Variants in PRPSAP1 observed in about 807,000 individuals in gnomAD.
PRPSAP1 encodes the protein phosphoribosyl pyrophosphate synthase-associated protein 1.
PRPSAP1 carries 31 observed loss-of-function variants against 39.4 expected under a neutral mutation model. That is an observed-to-expected ratio of 0.79 (90% CI 0.59 to 1.06). PRPSAP1 has a LOEUF of 1.06. Ranked by LOEUF, PRPSAP1 falls within the 50% of genes least tolerant of loss-of-function variation. The probability of loss-of-function intolerance (pLI) is 0.00; values close to 1 mark genes in which losing one functional copy is unlikely to be tolerated. For synonymous variants in PRPSAP1, 212 were observed against 192.6 expected (o/e 1.10, Z -0.83); for missense variants, 430 against 511.6 (o/e 0.84, Z 1.54).
rs1463790940 is a variant in PRPSAP1 at position 76,320,256 on chromosome 17, GAAAGAAAGAAAAGAAAGAAAGAAAGA to G, written c.782-6391_782-6366del. Among the ~76,000 whole-genome samples the G allele has an allele frequency of 1.8e-4, 9 of 48,804 alleles. 2 individuals are homozygous for G. Among genetic ancestry groups the G allele is most frequent in the African/African-American group, 7.1e-4 (8 of 11,220 alleles). The allele number at this position is 48,804 out of a possible 152,430, so 32.0% of individuals were successfully genotyped here. A position where few individuals can be genotyped will look rare whatever the true frequency, so the allele number is the denominator to read the frequency against. On this transcript the variant is annotated intron_variant, in intron 7 of 9. Transcript: ENST00000446526. ...GTGCACTCCAGCCTGGGTGAGACAA[GAAAGAAAGAAAAGAAAGAAAGAAAGA>G]AAAGAAAGAAAGAAAGAAAAGAAAG...
chr17:76,343,440 T>A (rs904828731), intron 3 of PRPSAP1, among the ~76,000 whole-genome samples: 9 of 152,200 alleles, frequency 5.9e-5, no homozygotes, highest in African/African-American at 2.2e-4. Flanking sequence ...CCAGGAGCAG[T>A]TTATGCACCA....
intron 3 of PRPSAP1, among the ~76,000 whole-genome samples, chr17:76,334,121 T>C (rs887086360): frequency 1.3e-5 from 2 of 152,174 alleles, no homozygotes; most frequent in African/African-American, 4.8e-5. Context: ...TATTCACTTC[T>C]CACATTAGCT....
intron 3 of PRPSAP1, among the ~76,000 whole-genome samples, chr17:76,340,677 G>A (rs544326715): frequency 1.3e-5 from 2 of 152,166 alleles, no homozygotes; most frequent in South Asian, 4.1e-4. Context: ...GATCACTTGA[G>A]GTTGGGAGTT....
At chr17:76,342,645 G>C (rs1001268437) in intron 3 of PRPSAP1, among the ~76,000 whole-genome samples, 6 of 151,560 alleles carry the variant, frequency 4.0e-5, no homozygotes, top group Non-Finnish European at 2.9e-5. Flanking sequence ...TTGAGTTCAG[G>C]AGCTTAAGGC....
intron 8 of PRPSAP1, chr17:76,313,228 C>T: frequency 2.1e-6 from 1 of 479,434 alleles, no homozygotes. Context: ...CGGGCGCAGT[C>T]AAGCACCTGT....
At chr17:76,322,707 T>C (rs1045667669) in intron 7 of PRPSAP1, among the ~76,000 whole-genome samples, 2 of 151,958 alleles carry the variant, frequency 1.3e-5, no homozygotes, top group Non-Finnish European at 2.9e-5. Context: ...GCTGGGTGCT[T>C]GGGCACAGTG....
At chr17:76,353,508 G>A in intron 1 of PRPSAP1, 26 bp downstream of exon 1, 2 of 1,476,762 alleles carry the variant, frequency 1.4e-6, no homozygotes, top group Non-Finnish European at 1.8e-6. Context: ...GCCGCCCCCG[G>A]CCCGGCCCTC....
intron 3 of PRPSAP1, among the ~76,000 whole-genome samples, chr17:76,338,579 T>C (rs1054234783): frequency 6.6e-6 from 1 of 151,890 alleles, no homozygotes; most frequent in African/African-American, 2.4e-5. Context: ...GGTGTGCACC[T>C]GTAATCCCAG....
At chr17:76,337,542 T>A (rs1245266980) in intron 3 of PRPSAP1, 1 of 152,194 alleles carries the variant, frequency 6.6e-6, no homozygotes, top group Non-Finnish European at 1.5e-5. Context: ...CTGGAAGTAA[T>A]GGGGGAGAAT....
chr17:76,339,520 C>A (rs779169237), intron 3 of PRPSAP1, among the ~76,000 whole-genome samples: 2 of 151,854 alleles, frequency 1.3e-5, no homozygotes, highest in African/African-American at 2.4e-5. Context: ...TTTTTCCTTT[C>A]TTCTTCCATC....
chr17:76,336,732 C>CAAA (rs57399038), intron 3 of PRPSAP1, among the ~76,000 whole-genome samples: 44 of 63,312 alleles, frequency 6.9e-4, no homozygotes, highest in African/African-American at 2.3e-3. Context: ...AACTCCATCT[C>CAAA]AAAAAAAAAA....
rs2071046879 is a variant in PRPSAP1, at chr17:76,309,570, C to A, written c.*1972G>T. The stretch of plus-strand genomic sequence containing the variant: ...CTTAAAGAGAACCTATGAATGTGTG[C>A]CATGCATGGCCAGCCTCCTCCGTGA... On this transcript the variant is annotated 3_prime_UTR_variant, in exon 10 of 10. Coordinates refer to ENST00000446526, the MANE Select transcript of PRPSAP1 (RefSeq NM_002766.3). 6.6e-6 allele frequency: 1 copy of A among 152,170 alleles called. No individual in the cohort carries two copies. The highest frequency in any genetic ancestry group is 1.5e-5 in the Non-Finnish European group (1 of 68,034). The allele number at this position is 152,170 out of a possible 1,614,324, so 9.4% of individuals were successfully genotyped here. A position where few individuals can be genotyped will look rare whatever the true frequency, so the allele number is the denominator to read the frequency against.
At chr17:76,341,340 C>G (rs2071436564) in intron 3 of PRPSAP1, among the ~76,000 whole-genome samples, 2 of 150,036 alleles carry the variant, frequency 1.3e-5, no homozygotes, top group South Asian at 4.2e-4. Context: ...CAGGCTCAAG[C>G]AATCCTCCCA....
chr17:76,332,694 G>C (rs2071335812), intron 3 of PRPSAP1, among the ~76,000 whole-genome samples: 1 of 152,260 alleles, frequency 6.6e-6, no homozygotes, highest in East Asian at 1.9e-4. Context: ...GGTCTCCTGT[G>C]TCATACCCCG....
chr17:76,315,866 C>T (rs1040112492), intron 7 of PRPSAP1, among the ~76,000 whole-genome samples: 2 of 151,540 alleles, frequency 1.3e-5, no homozygotes, highest in Admixed American at 6.6e-5. Context: ...AGGCACGTGC[C>T]ACCACATCTG....
chr17:76,348,445 C>T, intron 2 of PRPSAP1, 84 bp downstream of exon 2: 6 of 867,278 alleles, frequency 6.9e-6, no homozygotes, highest in Non-Finnish European at 7.8e-6. Context: ...TGCACTCCAG[C>T]CTGGGCGACA....
intron 3 of PRPSAP1, among the ~76,000 whole-genome samples, chr17:76,340,070 TGGG>T (rs1245794943): frequency 7.0e-6 from 1 of 143,724 alleles, no homozygotes; most frequent in East Asian, 2.0e-4. Context: ...CACTTGAGCC[TGGG>T]AGGTGGAGGC....
rs932239109 is a variant in PRPSAP1 at position 76,309,744 on chromosome 17, A to C, written c.*1798T>G. ...CAGGATGTGCATAGCTTATATGCAG[A>C]TACTACACCATTTTCTATCAGGGAC... On this transcript the variant is annotated 3_prime_UTR_variant, in exon 10 of 10. Transcript: ENST00000446526. 2 of 152,226 alleles carry C rather than the reference A, an allele frequency of 1.3e-5. No homozygotes were observed. The highest frequency in any genetic ancestry group is 2.4e-5 in the African/African-American group (1 of 41,456). The allele number at this position is 152,226 out of a possible 1,614,324, so 9.4% of individuals were successfully genotyped here. A position where few individuals can be genotyped will look rare whatever the true frequency, so the allele number is the denominator to read the frequency against.
At chr17:76,353,996 G>A (rs2071615821), upstream of PRPSAP1, 2 of 1,246,782 alleles carry the variant, frequency 1.6e-6, no homozygotes, top group Admixed American at 4.4e-5. Flanking sequence ...AGGGCAGGGA[G>A]CCTGGCGACT....
Sources: allele counts gnomAD v4.1 joint callset (sites outside exome capture counted in the v4.1 genomes callset), GRCh38; gene constraint gnomAD v4.1.1; transcripts MANE v1.5; gene names NCBI Gene and HGNC (gene_info 2026-07-23, HGNC 2026-07-21).